GABBR2: variants seen among roughly 807,000 people sequenced by gnomAD.
The protein encoded by GABBR2 is gamma-aminobutyric acid type B receptor subunit 2.
In GABBR2, 23 loss-of-function variants were observed where a neutral mutation model predicts 105.6. The observed-to-expected ratio is 0.22, with a 90% CI of 0.16 to 0.31. GABBR2 has a LOEUF of 0.31. Ranked by LOEUF, GABBR2 falls within the 10% of genes least tolerant of loss-of-function variation. The probability of loss-of-function intolerance (pLI) is 1.00; values close to 1 mark genes in which losing one functional copy is unlikely to be tolerated. For missense variants in GABBR2, 734 were observed against 1,245.5 expected (o/e 0.59, Z 6.18); for synonymous variants, 478 against 499.7 (o/e 0.96, Z 0.58).
chr9:98,303,518 G>C, intron 15 of GABBR2, 95 bp from the exon 16 acceptor site: 1 of 1,043,318 alleles, frequency 9.6e-7, no homozygotes, highest in South Asian at 1.5e-5. Flanking sequence ...TCCTGCTCTG[G>C]AGGCGATAAG....
chr9:98,356,897 A>C (rs1343168068), intron 13 of GABBR2, among the ~76,000 whole-genome samples: 4 of 152,270 alleles, frequency 2.6e-5, no homozygotes, highest in African/African-American at 9.6e-5. Flanking sequence ...CTATCAAACC[A>C]CAAAAATATA....
intron 2 of GABBR2, among the ~76,000 whole-genome samples, chr9:98,577,409 T>G (rs529189142): frequency 5.3e-4 from 81 of 152,198 alleles, no homozygotes; most frequent in Non-Finnish European, 8.8e-4. Context: ...AGTGAATAAT[T>G]GGCAAGGAGA....
At chr9:98,665,651 C>T (rs868129658) in intron 1 of GABBR2, among the ~76,000 whole-genome samples, 2 of 152,154 alleles carry the variant, frequency 1.3e-5, no homozygotes, top group Admixed American at 6.5e-5. Flanking sequence ...TGGAGCAAGG[C>T]CATGCCATCT....
intron 1 of GABBR2, among the ~76,000 whole-genome samples, chr9:98,631,477 G>T (rs1241771487): frequency 6.6e-6 from 1 of 152,182 alleles, no homozygotes; most frequent in Non-Finnish European, 1.5e-5. Context: ...GATAAAACAG[G>T]TAATGAATGG....
intron 1 of GABBR2, among the ~76,000 whole-genome samples, chr9:98,594,424 G>A (rs1376887653): frequency 2.0e-5 from 3 of 152,182 alleles, no homozygotes; most frequent in African/African-American, 7.2e-5. Context: ...GGGGCAAAGG[G>A]GTTTCAGCTT....
chr9:98,615,073 C>T (rs1035226530), intron 1 of GABBR2, among the ~76,000 whole-genome samples: 10 of 152,196 alleles, frequency 6.6e-5, no homozygotes, highest in African/African-American at 1.4e-4. Flanking sequence ...GAAGAAATGC[C>T]CCCACTCAGG....
At chr9:98,362,660 C>T (rs1831606425) in intron 13 of GABBR2, 55 bp downstream of exon 13, 3 of 1,416,746 alleles carry the variant, frequency 2.1e-6, no homozygotes, top group Non-Finnish European at 2.8e-6. Flanking sequence ...TCACTGTCCT[C>T]ATGTGCCAGG....
At chr9:98,519,912 T>A (rs140790596) in intron 3 of GABBR2, among the ~76,000 whole-genome samples, 38 of 152,302 alleles carry the variant, frequency 2.5e-4, no homozygotes, top group African/African-American at 8.4e-4. Context: ...AAACCCCTGT[T>A]CTAGACTCAG....
intron 3 of GABBR2, among the ~76,000 whole-genome samples, chr9:98,537,692 T>C (rs188271208): frequency 5.4e-4 from 82 of 152,144 alleles, no homozygotes; most frequent in Non-Finnish European, 9.9e-4. Flanking sequence ...CCACTTTGGC[T>C]TCCCAAAGTG....
chr9:98,613,447 GA>G (rs5899347), intron 1 of GABBR2, among the ~76,000 whole-genome samples: 19 of 144,150 alleles, frequency 1.3e-4, no homozygotes, highest in South Asian at 8.8e-4. Flanking sequence ...CTCAGGGGAA[GA>G]AAAAAAAAAA....
chr9:98,548,240 C>A (rs1296847508), intron 2 of GABBR2, among the ~76,000 whole-genome samples: 1 of 120,872 alleles, frequency 8.3e-6, no homozygotes, highest in African/African-American at 2.7e-5. Flanking sequence ...GGCACTTGGC[C>A]CTGTTTTCTA....
At chr9:98,632,024 G>A (rs1238290528) in intron 1 of GABBR2, among the ~76,000 whole-genome samples, 4 of 152,216 alleles carry the variant, frequency 2.6e-5, no homozygotes, top group African/African-American at 9.7e-5. Context: ...TGACTGGTTT[G>A]TAGGAAGCGA....
rs559060180 is a variant in GABBR2, at chr9:98,338,493, C to G, written c.1893+24222G>C. Among the ~76,000 whole-genome samples the G allele has an allele frequency of 1.5e-4, 23 of 152,238 alleles. No homozygotes were observed. In the South Asian group the frequency reaches 4.8e-3, roughly 32 times the overall value. ...AATAGACATTTCTCCAACAAAGATACATAAATGGCCAATAAGCATGTAAAA... is the reference window on the plus strand; with the variant it reads ...AATAGACATTTCTCCAACAAAGATAGATAAATGGCCAATAAGCATGTAAAA... On this transcript the variant is annotated intron_variant, in intron 13 of 18. Transcript: ENST00000259455.
At chr9:98,293,696 G>C (rs1830336639) in intron 18 of GABBR2, 89 bp downstream of exon 18, 1 of 711,552 alleles carries the variant, frequency 1.4e-6, no homozygotes, top group Admixed American at 2.2e-5. Context: ...TAAAATAATG[G>C]ATGTGAAAAC....
intron 1 of GABBR2, among the ~76,000 whole-genome samples, chr9:98,697,953 G>T (rs1830778013): frequency 6.6e-6 from 1 of 152,248 alleles, no homozygotes; most frequent in Non-Finnish European, 1.5e-5. Context: ...TTTCAGAAAG[G>T]CTTCAGTGAA....
intron 6 of GABBR2, among the ~76,000 whole-genome samples, chr9:98,468,349 C>T (rs16916291): frequency 0.042 from 6,432 of 152,080 alleles, 227 homozygotes; most frequent in East Asian, 0.14. Flanking sequence ...CTTTGTCTAT[C>T]GGGAGTCAGC....
At chr9:98,397,896 T>G (rs1156683107) in intron 8 of GABBR2, among the ~76,000 whole-genome samples, 4 of 152,154 alleles carry the variant, frequency 2.6e-5, no homozygotes, top group African/African-American at 4.8e-5. Context: ...TAAGGTCTCA[T>G]CCCCTGCACT....
chr9:98,323,434 T>C (rs1385840131), intron 13 of GABBR2, among the ~76,000 whole-genome samples: 2 of 152,192 alleles, frequency 1.3e-5, no homozygotes, highest in Admixed American at 6.5e-5. Flanking sequence ...CTCTTCCCCA[T>C]AGTTCCTGCC....
chr9:98,446,269 GTAA>G (rs1314200700), intron 7 of GABBR2, among the ~76,000 whole-genome samples: 1 of 152,130 alleles, frequency 6.6e-6, no homozygotes, highest in Non-Finnish European at 1.5e-5. Flanking sequence ...AATAGCAGTA[GTAA>G]TAATAATAGC....
Sources: gnomAD v4.1 joint callset for allele counts (sites outside exome capture counted in the v4.1 genomes callset) on GRCh38, gnomAD v4.1.1 for gene constraint, MANE v1.5 for transcripts, NCBI Gene and HGNC (gene_info 2026-07-23, HGNC 2026-07-21) for gene names.